GALNT13: variants seen among roughly 807,000 people sequenced by gnomAD.
The protein encoded by GALNT13 is UDP-GalNAc:polypeptide N-acetylgalactosaminyltransferase 13.
GALNT13 carries 28 observed loss-of-function variants against 64.2 expected under a neutral mutation model. That is an observed-to-expected ratio of 0.44 (90% CI 0.32 to 0.60). The LOEUF is 0.60. Among genes scored for constraint, GALNT13 ranks in the 20% least tolerant of loss-of-function variants. The pLI is 0.05. For synonymous variants in GALNT13, 214 were observed against 224.6 expected, an observed-to-expected ratio of 0.95 and a Z score of 0.42; for missense variants, 577 against 669.8, an observed-to-expected ratio of 0.86 and a Z score of 1.53.
chr2:153,983,114 G>C (rs190679421), intron 3 of GALNT13, among the ~76,000 whole-genome samples: 2 of 151,860 alleles, frequency 1.3e-5, no homozygotes, highest in Non-Finnish European at 2.9e-5. Context: ...AACTAATTCT[G>C]TCTTGCATAG....
intron 3 of GALNT13, among the ~76,000 whole-genome samples, chr2:154,095,331 G>A (rs1009840115): frequency 5.9e-5 from 9 of 151,612 alleles, no homozygotes; most frequent in African/African-American, 1.9e-4. Flanking sequence ...TGATGCTATA[G>A]GAGATATTTA....
chr2:153,582,111 G>A, the GALNT13 span, among the ~76,000 whole-genome samples: 4 of 151,958 alleles, frequency 2.6e-5, no homozygotes, highest in Admixed American at 6.6e-5. Context: ...TTGAATATCC[G>A]CAAAAATGCT....
At chr2:153,308,176 T>G in the GALNT13 span, among the ~76,000 whole-genome samples, 1 of 152,292 alleles carries the variant, frequency 6.6e-6, no homozygotes, top group African/African-American at 2.4e-5. Context: ...AAGTTCTTAA[T>G]AAAACCTAGA....
At chr2:153,848,175 C>T in the GALNT13 span, among the ~76,000 whole-genome samples, 1 of 152,150 alleles carries the variant, frequency 6.6e-6, no homozygotes, top group African/African-American at 2.4e-5. Flanking sequence ...TGGGGGAATC[C>T]GTGTGCCATA....
the GALNT13 span, among the ~76,000 whole-genome samples, chr2:153,654,117 T>C: frequency 6.6e-6 from 1 of 152,006 alleles, no homozygotes; most frequent in African/African-American, 2.4e-5. Flanking sequence ...GATCTAACCG[T>C]GAGTATGAAA....
rs538918988 is a variant in GALNT13, at chr2:154,451,210, A to G, written c.*659A>G. ...ACATAAAAAAAGAAATCCGCGAAGC[A>G]TTGAGGGGAACAAGATGAGTCTAAT... On this transcript the variant is annotated 3_prime_UTR_variant, in exon 13 of 13. Coordinates refer to ENST00000392825, the MANE Select transcript of GALNT13 (RefSeq NM_052917.4). The G allele has an allele frequency of 6.6e-6, 1 of 152,180 alleles. No homozygotes were observed. The highest frequency in any genetic ancestry group is 1.5e-5 in the Non-Finnish European group (1 of 68,052). The allele number at this position is 152,180 out of a possible 1,614,324, so 9.4% of individuals were successfully genotyped here.
chr2:153,805,053 G>A, the GALNT13 span, among the ~76,000 whole-genome samples: 6 of 151,326 alleles, frequency 4.0e-5, no homozygotes, highest in Non-Finnish European at 7.4e-5. Context: ...ATGTAATTAC[G>A]GTATACATAG....
chr2:154,447,550 G>T (rs1281142303), intron 12 of GALNT13, among the ~76,000 whole-genome samples: 2 of 151,828 alleles, frequency 1.3e-5, no homozygotes, highest in Admixed American at 1.3e-4. Context: ...ATAATTAAAG[G>T]ATTTTACTTT....
At chr2:153,493,523 T>G in the GALNT13 span, among the ~76,000 whole-genome samples, 1 of 152,024 alleles carries the variant, frequency 6.6e-6, no homozygotes, top group African/African-American at 2.4e-5. Context: ...AATTTTCACA[T>G]GATTTCACTG....
the GALNT13 span, among the ~76,000 whole-genome samples, chr2:153,215,197 C>A: frequency 1.3e-5 from 2 of 152,152 alleles, no homozygotes; most frequent in African/African-American, 4.8e-5. Context: ...AGTCCCCCTC[C>A]AGCTTCTTGC....
the GALNT13 span, among the ~76,000 whole-genome samples, chr2:153,549,203 G>A: frequency 1.3e-5 from 2 of 152,232 alleles, no homozygotes; most frequent in African/African-American, 4.8e-5. Context: ...GCACAATCAC[G>A]TGAACATACT....
intron 12 of GALNT13, among the ~76,000 whole-genome samples, chr2:154,450,148 T>C (rs1266427713): frequency 2.0e-5 from 3 of 152,038 alleles, no homozygotes; most frequent in Non-Finnish European, 1.5e-5. Context: ...GGAGCCTGAA[T>C]TCTTGGCAAT....
intron 4 of GALNT13, among the ~76,000 whole-genome samples, chr2:154,225,106 A>AGATAGAT (rs1384604105): frequency 1.2e-5 from 1 of 82,606 alleles, no homozygotes; most frequent in Non-Finnish European, 2.6e-5. Flanking sequence ...ATGGAGAGAT[A>AGATAGAT]GATAGATAGA....
chr2:153,907,363 T>A (rs1269981145), intron 2 of GALNT13, among the ~76,000 whole-genome samples: 7 of 151,826 alleles, frequency 4.6e-5, no homozygotes. Context: ...CATATACATA[T>A]AATTACATAC....
intron 9 of GALNT13, among the ~76,000 whole-genome samples, chr2:154,388,094 T>A (rs576522135): frequency 6.6e-6 from 1 of 152,288 alleles, no homozygotes; most frequent in South Asian, 2.1e-4. Context: ...CTTTTATATT[T>A]CTGATAAAAG....
the GALNT13 span, among the ~76,000 whole-genome samples, chr2:153,330,612 AT>A: frequency 0.15 from 22,197 of 146,904 alleles, 1,657 homozygotes; most frequent in Non-Finnish European, 0.18. Context: ...TTGTACATTG[AT>A]TTTTTTTTTT....
At chr2:154,166,386 T>G (rs1685024033) in intron 4 of GALNT13, among the ~76,000 whole-genome samples, 1 of 152,164 alleles carries the variant, frequency 6.6e-6, no homozygotes, top group Non-Finnish European at 1.5e-5. Context: ...GCCTGGGCAA[T>G]GAAGTGAGAC....
chr2:153,305,032 G>T, the GALNT13 span, among the ~76,000 whole-genome samples: 1 of 152,126 alleles, frequency 6.6e-6, no homozygotes, highest in Non-Finnish European at 1.5e-5. Context: ...ATATAATTTT[G>T]GGGGGTAATT....
At chr2:154,165,553 T>C (rs1240397407) in intron 4 of GALNT13, among the ~76,000 whole-genome samples, 1 of 152,210 alleles carries the variant, frequency 6.6e-6, no homozygotes, top group Admixed American at 6.5e-5. Context: ...GAATTGTTTA[T>C]TAACATTTTA....
Sources: allele counts gnomAD v4.1 joint callset (sites outside exome capture counted in the v4.1 genomes callset), GRCh38; gene constraint gnomAD v4.1.1; transcripts MANE v1.5; gene names NCBI Gene and HGNC (gene_info 2026-07-23, HGNC 2026-07-21).